MCM5: variants seen among roughly 807,000 people sequenced by gnomAD.
The protein encoded by MCM5 is minichromosome maintenance complex component 5.
A neutral mutation model predicts 79.9 loss-of-function variants in MCM5; 46 were observed. The ratio of observed to expected loss-of-function variants is 0.58; its 90% CI spans 0.45 to 0.74. MCM5 has a LOEUF of 0.74. Among genes scored for constraint, MCM5 ranks in the 30% least tolerant of loss-of-function variants. MCM5 has a pLI of 0.00. For synonymous variants in MCM5, 404 were observed against 390.5 expected, an observed-to-expected ratio of 1.03 and a Z score of -0.41; for missense variants, 883 against 1,017.0, an observed-to-expected ratio of 0.87 and a Z score of 1.79.
the MCM5 span, among the ~76,000 whole-genome samples, chr22:35,450,795 G>A: frequency 6.7e-6 from 1 of 148,170 alleles, no homozygotes; most frequent in South Asian, 2.1e-4. Flanking sequence ...GGAAAGAGTT[G>A]GGAATCCAGA....
rs202187354 is a variant in MCM5, at chr22:35,417,872, A to C, written c.1703+16A>C. 9.0e-5 allele frequency: 144 copies of C among 1,597,900 alleles called. 1 individual carries two copies. In the East Asian group the frequency reaches 3.2e-3, roughly 35 times the overall value. ...ACTGCCGAGTGTGAGTCCTGGACGC[A>C]GGCCCACGGGGGTGAGGTTGCCCAG... On this transcript the variant is annotated intron_variant, in intron 13 of 16. Coordinates refer to ENST00000216122, the MANE Select transcript of MCM5 (RefSeq NM_006739.4).
At chr22:35,438,601 A>AT in the MCM5 span, among the ~76,000 whole-genome samples, 137 of 148,314 alleles carry the variant, frequency 9.2e-4, no homozygotes, top group Non-Finnish European at 1.3e-3. Context: ...CCATGCATCC[A>AT]CCCACCCACA....
chr22:35,421,855 A>G (rs1932703291), intron 15 of MCM5: 1 of 301,908 alleles, frequency 3.3e-6, no homozygotes, highest in Non-Finnish European at 6.6e-6. Flanking sequence ...AGTCCTGCCC[A>G]TGTTAGAAAT....
rs4645796 is a variant in MCM5 at position 35,416,760 on chromosome 22, G to C, written c.1536G>C (p.Ser512=). 1.2e-6 allele frequency: 2 copies of C among 1,614,122 alleles called. No individual in the cohort carries two copies. Among genetic ancestry groups the C allele is most frequent in the Non-Finnish European group, 1.7e-6 (2 of 1,180,032 alleles). The change falls in exon 12 of 17, where the codon TCG becomes TCC. Residue 512 remains serine (S), a synonymous_variant. Transcript: ENST00000216122. ...DNIDFMPTIL[S]RFDMIFIVKD... ...TTGACTTCATGCCCACCATCTTGTC[G>C]CGCTTCGACATGATCTTCATCGTCA...
rs1036942714 is a variant in MCM5 at position 35,425,355 on chromosome 22, T to C, written c.*1100T>C. On this transcript the variant is annotated 3_prime_UTR_variant, in exon 17 of 17. Transcript: ENST00000216122. ...GAACATTAGATAAGGTATTTAAAAG[T>C]AATTGCCATGTAAAAATGACACGAA... 1 of 152,218 alleles carries C rather than the reference T, an allele frequency of 6.6e-6. No homozygotes were observed. The highest frequency in any genetic ancestry group is 1.5e-5 in the Non-Finnish European group (1 of 68,030). 9.4% of individuals were successfully genotyped at this position (152,218 alleles called of 1,614,324 possible).
Position 35,415,004 on chromosome 22 carries a change from G to T in MCM5, c.1204-825G>T, listed in dbSNP as rs551839368. On this transcript the variant is annotated intron_variant, in intron 9 of 16. Coordinates refer to ENST00000216122, the MANE Select transcript of MCM5 (RefSeq NM_006739.4). ...AAATTTGCCACACTGGCACTGTCCA[G>T]TAGAAATAGTGAACTGCACATGCGA... Among the ~76,000 whole-genome samples the T allele has an allele frequency of 2.0e-5, 3 of 152,292 alleles. No homozygotes were observed. The South Asian group carries it at 6.2e-4, about 32-fold the overall frequency.
chr22:35,431,921 T>G, the MCM5 span, among the ~76,000 whole-genome samples: 1 of 152,212 alleles, frequency 6.6e-6, no homozygotes. Context: ...CCTCTCACTT[T>G]ATGCCTGGTG....
the MCM5 span, among the ~76,000 whole-genome samples, chr22:35,443,794 C>G: frequency 6.6e-6 from 1 of 152,318 alleles, no homozygotes; most frequent in African/African-American, 2.4e-5. Context: ...CTGCCTCCCG[C>G]ACTGCATGTG....
chr22:35,404,732 TC>T (rs1310552462), intron 4 of MCM5, among the ~76,000 whole-genome samples: 2 of 152,154 alleles, frequency 1.3e-5, no homozygotes, highest in Non-Finnish European at 2.9e-5. Flanking sequence ...CTTCCTGCTT[TC>T]TTTGAGAGCC....
chr22:35,421,315 C>A lies in MCM5; in HGVS notation c.1833-3C>A. 6.2e-7 allele frequency: 1 copy of A among 1,611,714 alleles called. No homozygotes were observed. The highest frequency in any genetic ancestry group is 8.5e-7 in the Non-Finnish European group (1 of 1,179,008). On this transcript the variant is annotated splice_polypyrimidine_tract_variant and splice_region_variant and intron_variant, in intron 14 of 16. Coordinates refer to ENST00000216122, the MANE Select transcript of MCM5 (RefSeq NM_006739.4). The stretch of plus-strand genomic sequence containing the variant: ...TACCCTGAGCACGCTGTTGCCCCCA[C>A]AGGCAGCTGGAGGCCATTGTGCGCA...
Position 35,410,842 on chromosome 22 carries a change from G to T in MCM5, c.851G>T (p.Arg284Met). 3 of 1,613,854 alleles carry T rather than the reference G, an allele frequency of 1.9e-6. No individual in the cohort carries two copies. The highest frequency in any genetic ancestry group is 2.5e-6 in the Non-Finnish European group (3 of 1,179,746). ...CTGACTACCAGCAGGGGCCGTGACA[G>T]GGTGGGCGTGGGCATCCGAAGCTCC... ...FGLTTSRGRDRVGVGIRSSYI... is the reference protein window; with the variant it reads ...FGLTTSRGRDMVGVGIRSSYI... Residue 284 changes from arginine (R) to methionine (M), a missense_variant, in exon 7 of 17, where the codon AGG becomes ATG. Transcript: ENST00000216122.
chr22:35,429,958 C>A (rs1158364458), downstream of MCM5, among the ~76,000 whole-genome samples: 1 of 152,224 alleles, frequency 6.6e-6, no homozygotes, highest in African/African-American at 2.4e-5. Flanking sequence ...ATCTCAGTTT[C>A]CGTGTCTGTA....
intron 9 of MCM5, among the ~76,000 whole-genome samples, chr22:35,414,233 G>C (rs1488001401): frequency 6.6e-6 from 1 of 152,172 alleles, no homozygotes; most frequent in Non-Finnish European, 1.5e-5. Context: ...GTCTCACCCT[G>C]GCCAGAAATT....
At chr22:35,430,515 T>C in the MCM5 span, among the ~76,000 whole-genome samples, 2 of 151,730 alleles carry the variant, frequency 1.3e-5, no homozygotes, top group African/African-American at 4.8e-5. Flanking sequence ...TTTTTTTTTT[T>C]TTTGAGATGG....
intron 15 of MCM5, chr22:35,421,839 G>A (rs1035932056): frequency 2.9e-6 from 1 of 346,980 alleles, no homozygotes; most frequent in Admixed American, 3.9e-5. Context: ...AGCCAGGTGA[G>A]CAGTCAGTCC....
At position 35,417,766 on chromosome 22, in the gene MCM5, C is replaced by G; in HGVS notation, c.1613C>G (p.Thr538Ser). 6.2e-7 allele frequency: 1 copy of G among 1,614,038 alleles called. No individual in the cohort carries two copies. Among genetic ancestry groups the G allele is most frequent in the Non-Finnish European group, 8.5e-7 (1 of 1,179,904 alleles). ...RDVMLAKHVI[T>S]LHVSALTQTQ... ...CAGATGCTGGCCAAGCATGTCATCA[C>G]TCTGCACGTGAGCGCACTGACACAG... The change falls in exon 13 of 17, where the codon ACT (threonine) becomes AGT (serine). Residue 538 changes from threonine (T) to serine (S), a missense_variant. By Grantham distance (58) the Thr-to-Ser change is moderately conservative. Around this residue, in one of 3 missense-constraint regions of MCM5, gnomAD observed 426 missense variants for 482.3 expected, o/e 0.88. Coordinates refer to ENST00000216122, the MANE Select transcript of MCM5 (RefSeq NM_006739.4).
At chr22:35,438,504 C>CATCCATCCATCT in the MCM5 span, among the ~76,000 whole-genome samples, 1 of 149,252 alleles carries the variant, frequency 6.7e-6, no homozygotes, top group African/African-American at 2.5e-5. Context: ...TCCATCCATC[C>CATCCATCCATCT]ATCCATCTAT....
chr22:35,449,681 T>C, the MCM5 span, among the ~76,000 whole-genome samples: 1 of 152,264 alleles, frequency 6.6e-6, no homozygotes, highest in Non-Finnish European at 1.5e-5. Context: ...TTCCGGCACC[T>C]TGCTCTGTCC....
At chr22:35,447,962 A>C in the MCM5 span, among the ~76,000 whole-genome samples, 27 of 152,252 alleles carry the variant, frequency 1.8e-4, no homozygotes, top group African/African-American at 6.0e-4. Flanking sequence ...CATTGTGCCC[A>C]AAAAAATCCA....
Sources: allele counts gnomAD v4.1 joint callset (sites outside exome capture counted in the v4.1 genomes callset), GRCh38; gene constraint gnomAD v4.1.1; regional missense constraint gnomAD v4.1.1; transcripts MANE v1.5; gene names NCBI Gene and HGNC (gene_info 2026-07-23, HGNC 2026-07-21).